The following PDZD8 variants were observed in gnomAD, a reference collection of about 807,000 sequenced individuals.
PDZD8 encodes the protein PDZ domain-containing protein 8.
In PDZD8, 14 loss-of-function variants were observed where a neutral mutation model predicts 85.8. The observed-to-expected ratio is 0.16, with a 90% CI of 0.11 to 0.26. The LOEUF is 0.26. PDZD8 is among the 10% of genes least tolerant of loss of function. PDZD8 has a pLI of 1.00. For missense variants in PDZD8, 1,197 were observed against 1,424.3 expected (o/e 0.84, Z 2.57); for synonymous variants, 592 against 568.6 (o/e 1.04, Z -0.59).
At position 117,283,457 on chromosome 10, in the gene PDZD8, A is replaced by T; in HGVS notation, c.3276T>A (p.Ile1092=). 2 of 1,614,102 alleles carry T rather than the reference A, an allele frequency of 1.2e-6. No homozygotes were observed. Among genetic ancestry groups the T allele is most frequent in the Non-Finnish European group, 8.5e-7 (1 of 1,179,952 alleles). ...TATCTTCAATGCCTGCTCTGTAGTGAATCATAAGAAGTGTTAGAGCTTGTA... is the reference window on the plus strand; with the variant it reads ...TATCTTCAATGCCTGCTCTGTAGTGTATCATAAGAAGTGTTAGAGCTTGTA... The part of the protein sequence containing the change: ...ERLQALTLLM[I]HYRAGIEDIE... Residue 1092 remains isoleucine, a synonymous_variant, in exon 5 of 5, where the codon ATT becomes ATA. Coordinates refer to ENST00000334464, the MANE Select transcript of PDZD8 (RefSeq NM_173791.5).
intron 1 of PDZD8, among the ~76,000 whole-genome samples, chr10:117,372,893 T>A (rs1845218365): frequency 6.6e-6 from 1 of 152,180 alleles, no homozygotes; most frequent in African/African-American, 2.4e-5. Context: ...AAACCCAAAA[T>A]ATTTCTGGAT....
chr10:117,340,430 C>T (rs1844591437), intron 2 of PDZD8, among the ~76,000 whole-genome samples: 1 of 152,188 alleles, frequency 6.6e-6, no homozygotes, highest in Admixed American at 6.5e-5. Context: ...AGCAAGAATC[C>T]TGTTAGGTCG....
At chr10:117,356,973 C>A (rs1427460863) in intron 1 of PDZD8, among the ~76,000 whole-genome samples, 1 of 152,048 alleles carries the variant, frequency 6.6e-6, no homozygotes, top group Non-Finnish European at 1.5e-5. Context: ...TACAGACAAA[C>A]TTTTTTTCCC....
intron 3 of PDZD8, among the ~76,000 whole-genome samples, chr10:117,298,998 C>T (rs1843801954): frequency 6.6e-6 from 1 of 152,096 alleles, no homozygotes; most frequent in African/African-American, 2.4e-5. Context: ...TGAGGCAGTA[C>T]AATCAGCCCT....
intron 3 of PDZD8, among the ~76,000 whole-genome samples, chr10:117,297,680 A>C (rs1194013864): frequency 6.6e-6 from 1 of 152,122 alleles, no homozygotes; most frequent in Non-Finnish European, 1.5e-5. Flanking sequence ...AAAACATACT[A>C]TTTTCAATTT....
chr10:117,317,933 CCTT>C (rs1844158018), intron 3 of PDZD8, among the ~76,000 whole-genome samples: 1 of 152,150 alleles, frequency 6.6e-6, no homozygotes. Context: ...TCTTGTCCCT[CCTT>C]CTCCACTCTG....
intron 1 of PDZD8, among the ~76,000 whole-genome samples, chr10:117,359,228 A>G (rs1456842625): frequency 6.6e-6 from 1 of 152,036 alleles, no homozygotes; most frequent in Non-Finnish European, 1.5e-5. Flanking sequence ...CAGCCTGGGC[A>G]ACATGGCAAA....
intron 1 of PDZD8, among the ~76,000 whole-genome samples, chr10:117,344,998 T>C (rs1844680628): frequency 6.6e-6 from 1 of 152,160 alleles, no homozygotes; most frequent in Admixed American, 6.5e-5. Flanking sequence ...CTGGCTACTC[T>C]ATCCCCAATC....
chr10:117,356,031 T>C (rs971452998), intron 1 of PDZD8, among the ~76,000 whole-genome samples: 1 of 152,110 alleles, frequency 6.6e-6, no homozygotes, highest in Non-Finnish European at 1.5e-5. Context: ...TCTAAGACCA[T>C]AGGAGCCTTA....
At chr10:117,304,633 G>A (rs1396231619) in intron 3 of PDZD8, among the ~76,000 whole-genome samples, 4 of 152,150 alleles carry the variant, frequency 2.6e-5, no homozygotes, top group Non-Finnish European at 5.9e-5. Context: ...TGTTGTGGGA[G>A]GGACCCAAGG....
At chr10:117,364,424 T>C (rs1845052708) in intron 1 of PDZD8, among the ~76,000 whole-genome samples, 1 of 152,050 alleles carries the variant, frequency 6.6e-6, no homozygotes, top group Admixed American at 6.6e-5. Flanking sequence ...TGAAAATTCA[T>C]CACTGTACAT....
At position 117,332,297 on chromosome 10, in the gene PDZD8, CA is replaced by C. The variant is rs201115715; in HGVS notation, c.995+8682del. 1.1e-3 allele frequency among the ~76,000 whole-genome samples: 171 copies of C among 151,868 alleles called. 2 individuals are homozygous for C. In the East Asian group the frequency reaches 0.027, roughly 24 times the overall value. On this transcript the variant is annotated intron_variant, in intron 2 of 4. Transcript: ENST00000334464. The stretch of plus-strand genomic sequence containing the variant: ...CTTATCGTTCCCTCCAAGAAAAAAA[CA>C]AAAAACAAAAAACAGAACTTCAGCC...
In PDZD8 at chr10:117,305,510, A is replaced by ACACG. The variant is rs1843926661; in HGVS notation, c.1098+13361_1098+13362insCGTG. 2.7e-5 allele frequency among the ~76,000 whole-genome samples: 4 copies of ACACG among 148,048 alleles called. No homozygotes were observed. The South Asian group carries it at 8.6e-4, about 32-fold the overall frequency. ...CACACACACACACACACACACACAC[A>ACACG]CACACATATATGGAGAGAGAGAGAG... On this transcript the variant is annotated intron_variant, in intron 3 of 4. Coordinates refer to ENST00000334464, the MANE Select transcript of PDZD8 (RefSeq NM_173791.5).
chr10:117,344,868 A>G (rs10787768), intron 1 of PDZD8, among the ~76,000 whole-genome samples: 1 of 151,982 alleles, frequency 6.6e-6, no homozygotes, highest in Admixed American at 6.6e-5. Context: ...CCCAGCCCCC[A>G]CTCATGGAAT....
At position 117,280,057 on chromosome 10, in the gene PDZD8, A is replaced by G. The variant is rs558565476; in HGVS notation, c.*3211T>C. On this transcript the variant is annotated 3_prime_UTR_variant, in exon 5 of 5. Transcript: ENST00000334464. ...TGCTTTAAAAAAAATTCAGCTATAC[A>G]TTTAGAACTTGATAGTACCCCTCAA... The G allele has an allele frequency of 6.6e-6, 1 of 152,250 alleles. No individual in the cohort carries two copies. The highest frequency in any genetic ancestry group is 1.9e-4 in the East Asian group (1 of 5,182). The allele number at this position is 152,250 out of a possible 1,614,324, so 9.4% of individuals were successfully genotyped here.
intron 1 of PDZD8, among the ~76,000 whole-genome samples, chr10:117,358,192 G>C (rs80006240): frequency 4.6e-5 from 7 of 152,244 alleles, no homozygotes; most frequent in African/African-American, 1.7e-4. Flanking sequence ...TGTAATCTTA[G>C]AGACCTGAGT....
intron 2 of PDZD8, among the ~76,000 whole-genome samples, chr10:117,325,903 A>C (rs1338812158): frequency 2.0e-5 from 3 of 152,084 alleles, no homozygotes; most frequent in Non-Finnish European, 2.9e-5. Context: ...GGACCAGGTG[A>C]AGGTAATTGG....
At chr10:117,340,422 C>A (rs1844591385) in intron 2 of PDZD8, among the ~76,000 whole-genome samples, 1 of 152,154 alleles carries the variant, frequency 6.6e-6, no homozygotes, top group African/African-American at 2.4e-5. Context: ...CTGTTTTTAG[C>A]AAGAATCCTG....
At chr10:117,321,382 C>T (rs1844223070) in intron 2 of PDZD8, among the ~76,000 whole-genome samples, 1 of 151,988 alleles carries the variant, frequency 6.6e-6, no homozygotes, top group African/African-American at 2.4e-5. Flanking sequence ...TGAAATAAGC[C>T]AGCCACAAAA....
Sources: allele counts gnomAD v4.1 joint callset (sites outside exome capture counted in the v4.1 genomes callset), GRCh38; gene constraint gnomAD v4.1.1; transcripts MANE v1.5; gene names NCBI Gene and HGNC (gene_info 2026-07-23, HGNC 2026-07-21).